The following SLC9A7 variants were observed in gnomAD, a reference collection of about 807,000 sequenced individuals.
SLC9A7 encodes solute carrier family 9 member A7.
SLC9A7 carries 19 observed loss-of-function variants against 52.6 expected under a neutral mutation model. The ratio of observed to expected loss-of-function variants is 0.36; its 90% confidence interval spans 0.25 to 0.53. The LOEUF is 0.53. Among genes scored for constraint, SLC9A7 ranks in the 20% least tolerant of loss-of-function variants. The probability of loss-of-function intolerance (pLI) is 0.91; values close to 1 mark genes in which losing one functional copy is unlikely to be tolerated. For synonymous variants in SLC9A7, 226 were observed against 252.1 expected, an observed-to-expected ratio of 0.90 and a Z score of 0.98; for missense variants, 455 against 597.9, an observed-to-expected ratio of 0.76 and a Z score of 2.49.
chrX:46,663,668 GA>G (rs1221584337), intron 5 of SLC9A7, among the ~76,000 whole-genome samples: 5 of 57,571 alleles, frequency 8.7e-5, no homozygotes, highest in African/African-American at 1.3e-4. Context: ...AGGAAAGAAA[GA>G]AAAAAAAAGG....
At chrX:46,627,494 G>A (rs1943149577) in intron 14 of SLC9A7, among the ~76,000 whole-genome samples, 1 of 111,381 alleles carries the variant, frequency 9.0e-6, no homozygotes, top group South Asian at 3.7e-4. Flanking sequence ...AGTGGGGCTG[G>A]TGAGGCCTGA....
chrX:46,679,661 T>C lies in SLC9A7; in HGVS notation c.603+17A>G. On this transcript the variant is annotated intron_variant, in intron 3 of 16. Coordinates refer to ENST00000616978, the MANE Select transcript of SLC9A7 (RefSeq NM_001257291.2). ...GAGATTCACATGATTTCAGAAATAC[T>C]GGCAAAAACATCTTACCTTCTTTAA... 1 of 1,142,246 alleles carries C rather than the reference T, an allele frequency of 8.8e-7. No individual in the cohort carries two copies. The highest frequency in any genetic ancestry group is 1.2e-6 in the Non-Finnish European group (1 of 843,567). The allele number at this position is 1,142,246 out of a possible 1,213,427, so 94.1% of individuals were successfully genotyped here. A position where few individuals can be genotyped will look rare whatever the true frequency, so the allele number is the denominator to read the frequency against.
intron 14 of SLC9A7, among the ~76,000 whole-genome samples, chrX:46,629,077 C>A (rs917691464): frequency 1.8e-5 from 2 of 112,535 alleles, no homozygotes; most frequent in African/African-American, 6.5e-5. Flanking sequence ...GTCAGTGGAA[C>A]TGACTTTGAG....
intron 8 of SLC9A7, among the ~76,000 whole-genome samples, chrX:46,653,313 T>A (rs1943613924): frequency 9.0e-6 from 1 of 111,570 alleles, no homozygotes; most frequent in Admixed American, 9.5e-5. Flanking sequence ...GAAGATCCCT[T>A]GAGCCTAGGA....
chrX:46,674,428 T>C (rs1261785499), intron 3 of SLC9A7, among the ~76,000 whole-genome samples: 1 of 112,356 alleles, frequency 8.9e-6, no homozygotes, highest in Non-Finnish European at 1.9e-5. Flanking sequence ...AAACGTATAC[T>C]TCATAGTTCA....
chrX:46,731,195 A>C (rs1276127785), intron 1 of SLC9A7, among the ~76,000 whole-genome samples: 2 of 109,607 alleles, frequency 1.8e-5, no homozygotes, highest in Non-Finnish European at 3.8e-5. Context: ...AAGGCATCTC[A>C]AATCAGTGGG....
chrX:46,642,359 TGTC>T (rs1243314827), intron 12 of SLC9A7, among the ~76,000 whole-genome samples: 51 of 112,729 alleles, frequency 4.5e-4, no homozygotes, highest in African/African-American at 1.5e-3. Flanking sequence ...ACTACCCAAG[TGTC>T]TTCTTGTTCC....
intron 14 of SLC9A7, among the ~76,000 whole-genome samples, chrX:46,624,567 CTCAT>C (rs1335335761): frequency 8.9e-6 from 1 of 112,313 alleles, no homozygotes; most frequent in Non-Finnish European, 1.9e-5. Flanking sequence ...CAAATATTGA[CTCAT>C]TATTGTTTGC....
chrX:46,661,602 A>G (rs1388837509), intron 7 of SLC9A7, among the ~76,000 whole-genome samples: 2 of 110,805 alleles, frequency 1.8e-5, no homozygotes, highest in Non-Finnish European at 3.8e-5. Context: ...GAAGGCCACT[A>G]ACTAGCTATC....
chrX:46,714,673 A>G (rs1174819778), intron 1 of SLC9A7, among the ~76,000 whole-genome samples: 3 of 112,428 alleles, frequency 2.7e-5, no homozygotes, highest in Non-Finnish European at 5.6e-5. Flanking sequence ...TTGGAGATAT[A>G]TGTCAGTGAA....
At chrX:46,675,061 A>G (rs867051579) in intron 3 of SLC9A7, among the ~76,000 whole-genome samples, 74 of 68,823 alleles carry the variant, frequency 1.1e-3, no homozygotes, top group Non-Finnish European at 1.7e-3. Flanking sequence ...GAGAGAGTGA[A>G]TGTGTGTGTG....
intron 14 of SLC9A7, among the ~76,000 whole-genome samples, chrX:46,629,685 C>A (rs775819385): frequency 1.7e-4 from 19 of 111,628 alleles, no homozygotes; most frequent in African/African-American, 5.9e-4. Flanking sequence ...TTTTTTCTTA[C>A]AAAATTAATC....
intron 1 of SLC9A7, among the ~76,000 whole-genome samples, chrX:46,745,930 G>A (rs1039882102): frequency 9.2e-6 from 1 of 109,174 alleles, no homozygotes; most frequent in African/African-American, 3.3e-5. Flanking sequence ...AAGAATATCA[G>A]TAAAGAGACA....
chrX:46,646,528 G>A, intron 11 of SLC9A7: 2 of 195,764 alleles, frequency 1.0e-5, no homozygotes, highest in South Asian at 1.7e-4. Flanking sequence ...ATGTGTAGTG[G>A]GGAGGGGCAG....
intron 11 of SLC9A7, 37 bp downstream of exon 11, chrX:46,648,649 A>C: frequency 9.9e-7 from 1 of 1,005,332 alleles, no homozygotes; most frequent in Non-Finnish European, 1.4e-6. Context: ...TTACCTGCTG[A>C]ATAAAACTCA....
At chrX:46,635,445 C>T in intron 13 of SLC9A7, 144 bp downstream of exon 13, 1 of 467,242 alleles carries the variant, frequency 2.1e-6, no homozygotes, top group Non-Finnish European at 3.7e-6. Flanking sequence ...TTAGAATTGA[C>T]TCAACCTTTT....
At position 46,687,735 on chromosome X, in the gene SLC9A7, C is replaced by T. The variant is rs192454454; in HGVS notation, c.326-5200G>A. On this transcript the variant is annotated intron_variant, in intron 1 of 16. Coordinates refer to ENST00000616978, the MANE Select transcript of SLC9A7 (RefSeq NM_001257291.2). ...GGTACAATTTACATACCATAAGATTCACCCATTTTAGAGTATACTATTCAA... is the reference window on the plus strand; with the variant it reads ...GGTACAATTTACATACCATAAGATTTACCCATTTTAGAGTATACTATTCAA... Among the ~76,000 whole-genome samples the T allele has an allele frequency of 3.4e-3, 379 of 112,162 alleles. 2 individuals carry two copies. In the South Asian group the frequency reaches 0.041, roughly 12 times the overall value.
In SLC9A7 at chrX:46,605,657, A is replaced by G. The variant is rs1446634135; in HGVS notation, c.*1295T>C. 1 of 111,882 alleles carries G rather than the reference A, an allele frequency of 8.9e-6. No individual in the cohort carries two copies. The highest frequency in any genetic ancestry group is 1.9e-5 in the Non-Finnish European group (1 of 53,220). 9.2% of individuals were successfully genotyped at this position (111,882 alleles called of 1,213,427 possible). ...AATTCTACCTAGTCTTGAGACTACT[A>G]TCTTGTATTTCTTTGCAGTAATTTT... On this transcript the variant is annotated 3_prime_UTR_variant, in exon 17 of 17. Transcript: ENST00000616978.
chrX:46,746,724 C>T (rs1161832658), intron 1 of SLC9A7, among the ~76,000 whole-genome samples: 1 of 112,279 alleles, frequency 8.9e-6, no homozygotes, highest in Admixed American at 9.4e-5. Context: ...CTATGGAGAA[C>T]AGTTTGGAGG....
Sources: allele counts gnomAD v4.1 joint callset (sites outside exome capture counted in the v4.1 genomes callset), GRCh38; gene constraint gnomAD v4.1.1; transcripts MANE v1.5; gene names NCBI Gene and HGNC (gene_info 2026-07-23, HGNC 2026-07-21).